The following CRYBG3 variants were observed in gnomAD, a reference collection of about 807,000 sequenced individuals.
The protein encoded by CRYBG3 is very large A-kinase anchor protein.
CRYBG3 carries 127 observed loss-of-function variants against 244.2 expected under a neutral mutation model. The ratio of observed to expected loss-of-function variants is 0.52; its 90% CI spans 0.45 to 0.60. CRYBG3 has a LOEUF of 0.60. CRYBG3 is among the 20% of genes least tolerant of loss of function. CRYBG3 has a pLI of 0.00. For synonymous variants in CRYBG3, 1,132 were observed against 1,195.8 expected, an observed-to-expected ratio of 0.95 and a Z score of 1.10; for missense variants, 3,325 against 3,442.5, an observed-to-expected ratio of 0.97 and a Z score of 0.85.
At chr3:97,862,531 C>T (rs1028825951) in intron 2 of CRYBG3, among the ~76,000 whole-genome samples, 1 of 152,082 alleles carries the variant, frequency 6.6e-6, no homozygotes, top group African/African-American at 2.4e-5. Context: ...CTAAAAGTTA[C>T]AATAAACCAA....
intron 6 of CRYBG3, 112 bp from the exon 7 acceptor site, chr3:97,880,960 G>A (rs1203244475): frequency 1.4e-6 from 1 of 720,032 alleles, no homozygotes; most frequent in Non-Finnish European, 2.2e-6. Flanking sequence ...TATGCTAATA[G>A]TGGAAGATAT....
intron 17 of CRYBG3, among the ~76,000 whole-genome samples, chr3:97,925,590 C>T (rs1575970079): frequency 6.6e-6 from 1 of 152,054 alleles, no homozygotes; most frequent in South Asian, 2.1e-4. Flanking sequence ...AAAGATGTTA[C>T]AATAGAATAC....
chr3:97,858,454 C>A (rs2039098129), intron 2 of CRYBG3, among the ~76,000 whole-genome samples: 2 of 151,970 alleles, frequency 1.3e-5, no homozygotes, highest in African/African-American at 4.8e-5. Context: ...AAGTTTTTAG[C>A]TATTATTTCA....
intron 10 of CRYBG3, 91 bp downstream of exon 10, chr3:97,889,481 C>A (rs778705924): frequency 1.4e-4 from 147 of 1,079,782 alleles, no homozygotes; most frequent in Non-Finnish European, 1.8e-4. Context: ...TAAAAAGTAC[C>A]TCCACATATG....
At chr3:97,941,769 T>G (rs1016269175) in intron 20 of CRYBG3, 2 of 153,478 alleles carry the variant, frequency 1.3e-5, no homozygotes, top group African/African-American at 4.8e-5. Flanking sequence ...TTCTTTTCTA[T>G]GACCCTTCCG....
chr3:97,873,574 A>G lies in CRYBG3; in HGVS notation c.2380A>G (p.Met794Val). The change falls in exon 4 of 22, where the codon ATG becomes GTG. Residue 794 changes from methionine (M) to valine (V), a missense_variant. Physicochemically the swap from Met to Val is conservative, Grantham distance 21. Coordinates refer to ENST00000389622, the MANE Select transcript of CRYBG3 (RefSeq NM_153605.4). ...AGTGTCTTCAAACACTAAAGCAAAT[A>G]TGAGCATAATAGAGAAGTCTGATTC... is the stretch of plus-strand genomic sequence containing the variant. Reference protein sequence around the residue: ...ELVSSNTKANMSIIEKSDSLS... With the variant: ...ELVSSNTKANVSIIEKSDSLS... 6.5e-7 allele frequency: 1 copy of G among 1,535,632 alleles called. No homozygotes were observed. Among genetic ancestry groups the G allele is most frequent in the Non-Finnish European group, 8.7e-7 (1 of 1,146,740 alleles).
At chr3:97,837,491 C>G (rs1409239442) in intron 1 of CRYBG3, among the ~76,000 whole-genome samples, 1 of 152,086 alleles carries the variant, frequency 6.6e-6, no homozygotes, top group Non-Finnish European at 1.5e-5. Flanking sequence ...ATTGCTGATT[C>G]TTCTACTGTA....
At chr3:97,852,192 T>G (rs1245260285) in intron 2 of CRYBG3, among the ~76,000 whole-genome samples, 1 of 152,038 alleles carries the variant, frequency 6.6e-6, no homozygotes, top group African/African-American at 2.4e-5. Context: ...AAAGCTGATA[T>G]AGGCTGGAAA....
chr3:97,905,564 G>A (rs1269922294), intron 15 of CRYBG3, among the ~76,000 whole-genome samples: 69 of 152,146 alleles, frequency 4.5e-4, no homozygotes, highest in Middle Eastern at 3.4e-3. Flanking sequence ...GTCTGTTCAA[G>A]TCCTTTGCCC....
chr3:97,927,503 G>A (rs2107088598), intron 17 of CRYBG3, among the ~76,000 whole-genome samples: 1 of 152,074 alleles, frequency 6.6e-6, no homozygotes, highest in East Asian at 1.9e-4. Flanking sequence ...CTGGACGTGG[G>A]CCCTGGCAAA....
At chr3:97,828,528 T>TAA (rs59399988) in intron 1 of CRYBG3, among the ~76,000 whole-genome samples, 242 of 127,884 alleles carry the variant, frequency 1.9e-3, no homozygotes, top group African/African-American at 6.6e-3. Context: ...TACATTAAGT[T>TAA]AAAAAAAAAA....
At chr3:97,858,651 A>G (rs2039100928) in intron 2 of CRYBG3, among the ~76,000 whole-genome samples, 1 of 151,858 alleles carries the variant, frequency 6.6e-6, no homozygotes, top group African/African-American at 2.4e-5. Flanking sequence ...CAGCTTCAAC[A>G]TTTCTGTTTG....
intron 17 of CRYBG3, among the ~76,000 whole-genome samples, chr3:97,928,006 A>G (rs1157133488): frequency 2.6e-5 from 4 of 151,908 alleles, no homozygotes; most frequent in African/African-American, 7.2e-5. Context: ...AGATTTCTCA[A>G]AGAATGTAGA....
At chr3:97,933,429 C>G in intron 17 of CRYBG3, 1 of 479,316 alleles carries the variant, frequency 2.1e-6, no homozygotes, top group Non-Finnish European at 3.8e-6. Context: ...GATTTGGAAT[C>G]ATGGGTCTCT....
At chr3:97,896,130 C>A in intron 12 of CRYBG3, 45 bp downstream of exon 12, 3 of 1,557,432 alleles carry the variant, frequency 1.9e-6, no homozygotes, top group Admixed American at 2.0e-5. Flanking sequence ...TTTAAAAAAT[C>A]TGTTCACAAA....
Position 97,899,172 on chromosome 3 carries a change from AACAAT to A in CRYBG3, c.7884_7888del (p.Gln2628HisfsTer12). The A allele has an allele frequency of 6.2e-7, 1 of 1,613,452 alleles. No homozygotes were observed. Among genetic ancestry groups the A allele is most frequent in the East Asian group, 2.2e-5 (1 of 44,832 alleles). On this transcript the variant is annotated frameshift_variant, in exon 14 of 22. Coordinates refer to ENST00000389622, the MANE Select transcript of CRYBG3 (RefSeq NM_153605.4). LOFTEE classifies it high-confidence loss of function. ...TACCAGCAAAAGTTCTTCTGTGGAG[AACAAT>A]ACATTTTAGAAAAAGGGAAATACAA...
intron 2 of CRYBG3, among the ~76,000 whole-genome samples, chr3:97,845,848 T>C (rs891294158): frequency 6.6e-6 from 1 of 152,236 alleles, no homozygotes; most frequent in Non-Finnish European, 1.5e-5. Context: ...GTTTTATTTT[T>C]GTGAATCTGG....
chr3:97,859,148 G>A (rs547924183), intron 2 of CRYBG3, among the ~76,000 whole-genome samples: 3 of 152,256 alleles, frequency 2.0e-5, no homozygotes, highest in African/African-American at 7.2e-5. Flanking sequence ...GCTGGGGGCA[G>A]TATCGTCAGT....
chr3:97,906,683 A>G (rs1188785282), intron 15 of CRYBG3, among the ~76,000 whole-genome samples: 5 of 143,492 alleles, frequency 3.5e-5, no homozygotes, highest in African/African-American at 7.7e-5. Flanking sequence ...CAATCATGTC[A>G]TCTGCAAACA....
Sources: gnomAD v4.1 joint callset for allele counts (sites outside exome capture counted in the v4.1 genomes callset) on GRCh38, gnomAD v4.1.1 for gene constraint, MANE v1.5 for transcripts, NCBI Gene and HGNC (gene_info 2026-07-23, HGNC 2026-07-21) for gene names.